EVA1A: variants seen among roughly 807,000 people sequenced by gnomAD.
The protein encoded by EVA1A is eva-1 homolog A, regulator of programmed cell death, also known as protein eva-1 homolog A.
A neutral mutation model predicts 9.8 loss-of-function variants in EVA1A; 7 were observed. That is an observed-to-expected ratio of 0.71 (90% CI 0.41 to 1.34). The LOEUF is 1.34. Ranked by LOEUF, EVA1A falls within the 40% of genes most tolerant of loss-of-function variation. The pLI is 0.01. For synonymous variants in EVA1A, 90 were observed against 85.6 expected (o/e 1.05, Z -0.28); for missense variants, 206 against 205.9 (o/e 1.00, Z 0.00).
At chr2:75,511,512 G>A (rs1674810423) in intron 3 of EVA1A, among the ~76,000 whole-genome samples, 1 of 152,190 alleles carries the variant, frequency 6.6e-6, no homozygotes. Flanking sequence ...ATTATTCAGT[G>A]AAAAACGTGA....
At chr2:75,550,588 G>A (rs1676487758) in intron 1 of EVA1A, among the ~76,000 whole-genome samples, 1 of 152,344 alleles carries the variant, frequency 6.6e-6, no homozygotes, top group Non-Finnish European at 1.5e-5. Flanking sequence ...ATTTGACATG[G>A]TCTGGACTTA....
At chr2:75,538,426 A>G (rs2103926310) in intron 1 of EVA1A, among the ~76,000 whole-genome samples, 1 of 152,362 alleles carries the variant, frequency 6.6e-6, no homozygotes, top group Non-Finnish European at 1.5e-5. Flanking sequence ...AACACCATTT[A>G]CTGCTGCCTA....
intron 1 of EVA1A, among the ~76,000 whole-genome samples, chr2:75,523,795 G>A (rs750985541): frequency 6.6e-6 from 1 of 152,220 alleles, no homozygotes; most frequent in Non-Finnish European, 1.5e-5. Flanking sequence ...CTAATGCTCA[G>A]GGACTGTTTG....
intron 1 of EVA1A, among the ~76,000 whole-genome samples, chr2:75,533,084 C>A (rs1472384296): frequency 6.7e-6 from 1 of 149,840 alleles, no homozygotes; most frequent in Non-Finnish European, 1.5e-5. Context: ...ATCGAGACTG[C>A]AGTGAACCAA....
chr2:75,559,545 G>A (rs1039392488), intron 1 of EVA1A, among the ~76,000 whole-genome samples: 3 of 152,222 alleles, frequency 2.0e-5, no homozygotes, highest in African/African-American at 7.2e-5. Context: ...TGACAAGAAG[G>A]GGATGAATTA....
At chr2:75,514,738 AT>A (rs1674943826) in intron 3 of EVA1A, among the ~76,000 whole-genome samples, 1 of 152,176 alleles carries the variant, frequency 6.6e-6, no homozygotes, top group African/African-American at 2.4e-5. Flanking sequence ...ATTTTACTAC[AT>A]GTATTATAAA....
At chr2:75,551,322 G>C (rs1385858710) in intron 1 of EVA1A, among the ~76,000 whole-genome samples, 1 of 150,762 alleles carries the variant, frequency 6.6e-6, no homozygotes, top group Non-Finnish European at 1.5e-5. Flanking sequence ...CCCCTCATCT[G>C]TTAGACTCCC....
chr2:75,546,258 G>T (rs1343492925), intron 1 of EVA1A, among the ~76,000 whole-genome samples: 1 of 152,052 alleles, frequency 6.6e-6, no homozygotes, highest in South Asian at 2.1e-4. Flanking sequence ...CATAAACATC[G>T]CCAAGAGCAG....
intron 2 of EVA1A, among the ~76,000 whole-genome samples, chr2:75,520,332 TA>T (rs944177559): frequency 1.3e-5 from 2 of 151,962 alleles, no homozygotes; most frequent in Non-Finnish European, 2.9e-5. Context: ...TTTGCAGAAA[TA>T]AAAAAATCCA....
chr2:75,555,336 T>TCTCTCTCTCTCTCACCCC (rs766586263), intron 1 of EVA1A, among the ~76,000 whole-genome samples: 1 of 102,744 alleles, frequency 9.7e-6, no homozygotes, highest in South Asian at 3.7e-4. Context: ...TCTCTCTCTC[T>TCTCTCTCTCTCTCACCCC]CCCCCATCTC....
chr2:75,508,421 G>A (rs1674695173), intron 3 of EVA1A, among the ~76,000 whole-genome samples: 1 of 152,122 alleles, frequency 6.6e-6, no homozygotes, highest in African/African-American at 2.4e-5. Flanking sequence ...GCCTGTAGGG[G>A]TGAAATAGAC....
At chr2:75,495,597 A>G (rs1265416542) in intron 3 of EVA1A, among the ~76,000 whole-genome samples, 2 of 152,094 alleles carry the variant, frequency 1.3e-5, no homozygotes, top group Admixed American at 6.5e-5. Flanking sequence ...CTGGTTTCAG[A>G]TTGTTAAAAT....
chr2:75,548,098 G>C (rs1384651534), intron 1 of EVA1A, among the ~76,000 whole-genome samples: 3 of 152,208 alleles, frequency 2.0e-5, no homozygotes, highest in African/African-American at 7.2e-5. Flanking sequence ...ACATTGAGTA[G>C]TTGGCCCTTG....
At chr2:75,537,260 C>T (rs373535549) in intron 1 of EVA1A, among the ~76,000 whole-genome samples, 27 of 152,116 alleles carry the variant, frequency 1.8e-4, no homozygotes, top group Admixed American at 5.9e-4. Flanking sequence ...AATTCAACAC[C>T]CATTCATGAT....
At chr2:75,546,714 C>CATGGGGAAAA (rs1676341989) in intron 1 of EVA1A, among the ~76,000 whole-genome samples, 1 of 152,086 alleles carries the variant, frequency 6.6e-6, no homozygotes, top group East Asian at 1.9e-4. Context: ...TGGGGAACTC[C>CATGGGGAAAA]TAACTTCCAA....
intron 1 of EVA1A, among the ~76,000 whole-genome samples, chr2:75,551,252 T>TA (rs1250918968): frequency 6.6e-6 from 1 of 152,236 alleles, no homozygotes; most frequent in African/African-American, 2.4e-5. Context: ...GACAAGCCTC[T>TA]AAAAACAATT....
At chr2:75,516,990 A>G (rs1331078113) in intron 3 of EVA1A, among the ~76,000 whole-genome samples, 1 of 152,112 alleles carries the variant, frequency 6.6e-6, no homozygotes, top group Non-Finnish European at 1.5e-5. Flanking sequence ...GCCTTCACTG[A>G]TCTAAGAAGG....
chr2:75,549,000 ATATATATATT>A (rs1676429082), intron 1 of EVA1A, among the ~76,000 whole-genome samples: 1 of 93,662 alleles, frequency 1.1e-5, no homozygotes, highest in African/African-American at 5.3e-5. Context: ...ATATATATAT[ATATATATATT>A]TTTTTTTTTT....
chr2:75,549,008 ATTTTTTT>A (rs10552575), intron 1 of EVA1A, among the ~76,000 whole-genome samples: 15 of 85,388 alleles, frequency 1.8e-4, no homozygotes, highest in African/African-American at 5.5e-4. Flanking sequence ...ATATATATAT[ATTTTTTT>A]TTTTTTTACT....
Sources: allele counts gnomAD v4.1 joint callset (sites outside exome capture counted in the v4.1 genomes callset), GRCh38; gene constraint gnomAD v4.1.1; transcripts MANE v1.5; gene names NCBI Gene and HGNC (gene_info 2026-07-23, HGNC 2026-07-21).